The following ACER3 variants were observed in gnomAD, a reference collection of about 807,000 sequenced individuals.
ACER3 encodes the protein alkCDase 3.
A neutral mutation model predicts 48.9 loss-of-function variants in ACER3; 16 were observed. That is an observed-to-expected ratio of 0.33 (90% CI 0.22 to 0.50). ACER3 has a LOEUF of 0.50. ACER3 is among the 20% of genes least tolerant of loss of function. The probability of loss-of-function intolerance (pLI) is 0.98; values close to 1 mark genes in which losing one functional copy is unlikely to be tolerated. For synonymous variants in ACER3, 109 were observed against 107.8 expected (o/e 1.01, Z -0.07); for missense variants, 227 against 326.0 (o/e 0.70, Z 2.34).
intron 1 of ACER3, among the ~76,000 whole-genome samples, chr11:76,891,379 A>ATC (rs1242041565): frequency 1.3e-5 from 2 of 151,736 alleles, no homozygotes; most frequent in East Asian, 1.9e-4. Flanking sequence ...AGGAAACAGA[A>ATC]TCTCTCTCTC....
At chr11:76,944,588 G>A (rs1210058319) in intron 2 of ACER3, among the ~76,000 whole-genome samples, 7 of 151,996 alleles carry the variant, frequency 4.6e-5, no homozygotes, top group Admixed American at 3.3e-4. Flanking sequence ...GTTTGATGGG[G>A]TTTCCTTTAT....
In ACER3 at chr11:76,898,903, C is replaced by CAAAAAA. The variant is rs59278347; in HGVS notation, c.104-27630_104-27625dup. ...TGGGCGACAGAGCGAGACTCCGTCT[C>CAAAAAA]AAAAAAAAAAAAAAAAAAAAAAAAA... On this transcript the variant is annotated intron_variant, in intron 1 of 10. Coordinates refer to ENST00000532485, the MANE Select transcript of ACER3 (RefSeq NM_018367.7). Among the ~76,000 whole-genome samples, 549 of 55,830 alleles carry CAAAAAA rather than the reference C, an allele frequency of 9.8e-3. 83 individuals carry two copies. The highest frequency in any genetic ancestry group is 0.044 in the African/African-American group (519 of 11,736). The allele number at this position is 55,830 out of a possible 152,430, so 36.6% of individuals were successfully genotyped here. A position where few individuals can be genotyped will look rare whatever the true frequency, so the allele number is the denominator to read the frequency against.
At chr11:76,871,274 A>G (rs529536738) in intron 1 of ACER3, among the ~76,000 whole-genome samples, 3 of 152,360 alleles carry the variant, frequency 2.0e-5, no homozygotes, top group African/African-American at 7.2e-5. Flanking sequence ...GTTTCAGTCA[A>G]TTTACAAGTT....
At chr11:76,971,416 C>T (rs919795065) in intron 3 of ACER3, among the ~76,000 whole-genome samples, 1 of 151,868 alleles carries the variant, frequency 6.6e-6, no homozygotes, top group African/African-American at 2.4e-5. Flanking sequence ...GGCACGCGCC[C>T]ACAGTCCCAG....
At chr11:76,965,627 A>G (rs1407177041) in intron 3 of ACER3, among the ~76,000 whole-genome samples, 1 of 151,382 alleles carries the variant, frequency 6.6e-6, no homozygotes, top group Non-Finnish European at 1.5e-5. Flanking sequence ...AAACTCTACA[A>G]GCCAGAAGAG....
At chr11:76,954,430 T>C (rs1196697351) in intron 2 of ACER3, among the ~76,000 whole-genome samples, 1 of 152,190 alleles carries the variant, frequency 6.6e-6, no homozygotes, top group Non-Finnish European at 1.5e-5. Context: ...TTCTTTCATC[T>C]GGCTAATTTC....
chr11:76,988,440 AATC>A (rs1184564378), intron 5 of ACER3, among the ~76,000 whole-genome samples: 3 of 152,198 alleles, frequency 2.0e-5, no homozygotes, highest in Non-Finnish European at 4.4e-5. Context: ...AAACTTAACA[AATC>A]ATCGTGGAAG....
chr11:76,906,616 C>A (rs1338354003), intron 1 of ACER3, among the ~76,000 whole-genome samples: 2 of 152,182 alleles, frequency 1.3e-5, no homozygotes, highest in African/African-American at 4.8e-5. Flanking sequence ...CAGTTAAAAT[C>A]TTTCTTTACT....
chr11:76,864,910 T>C (rs1945035772), intron 1 of ACER3, among the ~76,000 whole-genome samples: 1 of 142,330 alleles, frequency 7.0e-6, no homozygotes, highest in Non-Finnish European at 1.5e-5. Context: ...TCTTTTTTCT[T>C]TTAAATTAAT....
At chr11:76,979,704 G>A (rs1453473979) in intron 4 of ACER3, among the ~76,000 whole-genome samples, 3 of 152,048 alleles carry the variant, frequency 2.0e-5, no homozygotes, top group African/African-American at 7.2e-5. Context: ...TCTGTAAAGG[G>A]CCAGATGATA....
chr11:76,901,981 C>T (rs1946093507), intron 1 of ACER3, among the ~76,000 whole-genome samples: 1 of 152,062 alleles, frequency 6.6e-6, no homozygotes, highest in Non-Finnish European at 1.5e-5. Context: ...TTCGAGTTAA[C>T]CTATCCCTTC....
intron 7 of ACER3, among the ~76,000 whole-genome samples, chr11:77,010,163 A>AAATAATAATAATAATAATAATAAT (rs59504202): frequency 4.1e-5 from 6 of 146,444 alleles, no homozygotes; most frequent in Non-Finnish European, 6.0e-5. Context: ...TCTCTACCAG[A>AAATAATAATAATAATAATAATAAT]AATAATAATA....
intron 7 of ACER3, among the ~76,000 whole-genome samples, chr11:77,002,165 T>G (rs1420633490): frequency 6.6e-6 from 1 of 150,838 alleles, no homozygotes; most frequent in Non-Finnish European, 1.5e-5. Flanking sequence ...ATCTCTAAAA[T>G]AGTCACACTC....
chr11:76,903,785 A>G (rs1306383515), intron 1 of ACER3, among the ~76,000 whole-genome samples: 1 of 152,128 alleles, frequency 6.6e-6, no homozygotes, highest in East Asian at 1.9e-4. Context: ...TGGCCCTGCA[A>G]AGCCACCTCT....
intron 2 of ACER3, among the ~76,000 whole-genome samples, chr11:76,934,725 G>A (rs557840556): frequency 1.8e-4 from 27 of 151,196 alleles, no homozygotes; most frequent in African/African-American, 4.4e-4. Flanking sequence ...GAGGGAGACC[G>A]TGGAAAGAGA....
intron 2 of ACER3, chr11:76,957,625 G>T (rs914015187): frequency 3.6e-6 from 1 of 278,126 alleles, no homozygotes; most frequent in African/African-American, 2.3e-5. Context: ...TATATTTTTA[G>T]TAGAGATGGG....
intron 1 of ACER3, among the ~76,000 whole-genome samples, chr11:76,915,518 C>T (rs942705175): frequency 6.6e-6 from 1 of 152,106 alleles, no homozygotes; most frequent in African/African-American, 2.4e-5. Context: ...CTCCCTGGCA[C>T]CCCTACTGCT....
chr11:76,884,006 C>CT (rs758602770), intron 1 of ACER3, among the ~76,000 whole-genome samples: 40 of 152,184 alleles, frequency 2.6e-4, no homozygotes, highest in Non-Finnish European at 5.0e-4. Flanking sequence ...ACTGGATACT[C>CT]TAAGTGTTCA....
intron 3 of ACER3, among the ~76,000 whole-genome samples, chr11:76,972,767 C>T (rs906309141): frequency 1.3e-4 from 20 of 152,154 alleles, no homozygotes; most frequent in East Asian, 3.9e-4. Context: ...AGCAGGGGCA[C>T]GACACCTCCT....
Sources: allele counts gnomAD v4.1 joint callset (sites outside exome capture counted in the v4.1 genomes callset), GRCh38; gene constraint gnomAD v4.1.1; transcripts MANE v1.5; gene names NCBI Gene and HGNC (gene_info 2026-07-23, HGNC 2026-07-21).